The following USH2A variants were observed in gnomAD, a reference collection of about 807,000 sequenced individuals.
The protein encoded by USH2A is usherin.
Under a neutral mutation model 538.9 loss-of-function variants are expected in USH2A, and 443 were observed. The observed-to-expected ratio is 0.82, with a 90% confidence interval of 0.76 to 0.89. The LOEUF is 0.89. Among genes scored for constraint, USH2A ranks in the 40% least tolerant of loss-of-function variants. The pLI is 0.00. For missense variants in USH2A, 6,633 were observed against 6,324.8 expected, an observed-to-expected ratio of 1.05 and a Z score of -1.65; for synonymous variants, 2,413 against 2,273.5, an observed-to-expected ratio of 1.06 and a Z score of -1.75.
chr1:216,169,993 C>T (rs1224573420), intron 21 of USH2A, among the ~76,000 whole-genome samples: 4 of 151,382 alleles, frequency 2.6e-5, no homozygotes, highest in Non-Finnish European at 2.9e-5. Context: ...TACTTGCTCC[C>T]ACTCCAAGGA....
Position 216,370,677 on chromosome 1 carries a change from CAAAAAAAAAAA to C in USH2A, c.652-5603_652-5593del, listed in dbSNP as rs58845914. On this transcript the variant is annotated intron_variant, in intron 3 of 71. Coordinates refer to ENST00000307340, the MANE Select transcript of USH2A (RefSeq NM_206933.4). ...TGGGGAACAGAGCCAGACTCTGTCT[CAAAAAAAAAAA>C]AAAAAAAAAAAAAATACTCAAGGTG... is the stretch of plus-strand genomic sequence containing the variant. 3.7e-4 allele frequency among the ~76,000 whole-genome samples: 11 copies of C among 29,990 alleles called. 1 individual carries two copies. The highest frequency in any genetic ancestry group is 1.2e-3 in the African/African-American group (11 of 8,976). The allele number at this position is 29,990 out of a possible 152,430, so 19.7% of individuals were successfully genotyped here. A position where few individuals can be genotyped will look rare whatever the true frequency, so the allele number is the denominator to read the frequency against.
chr1:215,663,942 T>C (rs1165552832), intron 64 of USH2A, among the ~76,000 whole-genome samples: 2 of 152,046 alleles, frequency 1.3e-5, no homozygotes, highest in Non-Finnish European at 2.9e-5. Context: ...CTGGTGAAAG[T>C]GTGCAGAATG....
At chr1:216,040,160 A>G (rs2030212436) in intron 32 of USH2A, among the ~76,000 whole-genome samples, 1 of 151,900 alleles carries the variant, frequency 6.6e-6, no homozygotes, top group Non-Finnish European at 1.5e-5. Flanking sequence ...CCAGGTCCTG[A>G]TGGAACAGCA....
At chr1:216,351,152 A>T (rs1016247146) in intron 4 of USH2A, among the ~76,000 whole-genome samples, 3 of 152,208 alleles carry the variant, frequency 2.0e-5, no homozygotes, top group Non-Finnish European at 4.4e-5. Context: ...AATAAAAAAA[A>T]TCTTGCTTTC....
intron 9 of USH2A, among the ~76,000 whole-genome samples, chr1:216,305,498 G>T (rs1421767417): frequency 6.6e-6 from 1 of 151,912 alleles, no homozygotes; most frequent in African/African-American, 2.4e-5. Flanking sequence ...GTGCATTTAG[G>T]CCATTTACAT....
chr1:216,114,365 T>C (rs936209188), intron 21 of USH2A, among the ~76,000 whole-genome samples: 4 of 152,078 alleles, frequency 2.6e-5, no homozygotes, highest in Non-Finnish European at 4.4e-5. Context: ...ATGGGTTATA[T>C]CATCCAGAAC....
chr1:215,748,590 C>T (rs1660546109), intron 58 of USH2A, among the ~76,000 whole-genome samples: 2 of 152,172 alleles, frequency 1.3e-5, no homozygotes, highest in Non-Finnish European at 2.9e-5. Context: ...GTTCCTAGGA[C>T]AGTTCTTGCA....
intron 3 of USH2A, among the ~76,000 whole-genome samples, chr1:216,403,072 T>C (rs1293515892): frequency 6.6e-6 from 1 of 152,172 alleles, no homozygotes; most frequent in African/African-American, 2.4e-5. Flanking sequence ...CTACATATAC[T>C]ATAATTGTAT....
At chr1:216,038,593 G>A (rs1304015262) in intron 32 of USH2A, among the ~76,000 whole-genome samples, 1 of 151,952 alleles carries the variant, frequency 6.6e-6, no homozygotes, top group Non-Finnish European at 1.5e-5. Flanking sequence ...AAGATTTGAG[G>A]CCACAAAATG....
intron 15 of USH2A, among the ~76,000 whole-genome samples, chr1:216,208,783 C>T (rs899144559): frequency 5.1e-4 from 78 of 152,240 alleles, no homozygotes; most frequent in East Asian, 3.9e-4. Context: ...CAGGGGAAAC[C>T]AAGCACAAGC....
At chr1:216,301,551 T>C (rs1414146442) in intron 9 of USH2A, among the ~76,000 whole-genome samples, 3 of 152,164 alleles carry the variant, frequency 2.0e-5, no homozygotes, top group African/African-American at 7.2e-5. Flanking sequence ...TCTGGCTCAG[T>C]CCATCTTTAC....
chr1:215,802,082 T>C (rs1350334700), intron 49 of USH2A, among the ~76,000 whole-genome samples: 1 of 151,826 alleles, frequency 6.6e-6, no homozygotes, highest in African/African-American at 2.4e-5. Context: ...CAAAGAATGA[T>C]ATTGAACCCT....
intron 61 of USH2A, among the ~76,000 whole-genome samples, chr1:215,716,503 TG>T (rs1402033838): frequency 1.3e-5 from 2 of 152,228 alleles, no homozygotes; most frequent in Non-Finnish European, 2.9e-5. Context: ...CATTAGTAAT[TG>T]CTTTAGCAAA....
Position 216,199,986 on chromosome 1 carries a change from T to C in USH2A, c.3452A>G (p.Asn1151Ser). 6.2e-7 allele frequency: 1 copy of C among 1,614,128 alleles called. No homozygotes were observed. The highest frequency in any genetic ancestry group is 8.5e-7 in the Non-Finnish European group (1 of 1,180,002). ...AGGAATGATATAACTTAAAGTCAAG[T>C]TTCCCTCTGGGACCCCTGGTTTTGT... ...YKTKPGVPEG[N>S]LTLSYIIPIG... is the part of the protein sequence containing the mutation. Residue 1151 changes from asparagine (N) to serine (S), a missense_variant, in exon 17 of 72, where the codon AAC becomes AGC. By Grantham distance (46) the Asn-to-Ser change is conservative. Transcript: ENST00000307340.
intron 27 of USH2A, 98 bp from the exon 28 acceptor site, chr1:216,073,398 G>C: frequency 7.7e-7 from 1 of 1,303,868 alleles, no homozygotes; most frequent in Non-Finnish European, 1.1e-6. Context: ...AGGAAGGGGG[G>C]TGGTTAGATA....
At chr1:215,954,721 A>T (rs1266825313) in intron 37 of USH2A, among the ~76,000 whole-genome samples, 1 of 140,288 alleles carries the variant, frequency 7.1e-6, no homozygotes, top group East Asian at 2.2e-4. Flanking sequence ...TAATAATAAT[A>T]AAAAAAAACA....
At chr1:216,001,955 G>A (rs1357899982) in intron 32 of USH2A, among the ~76,000 whole-genome samples, 2 of 152,072 alleles carry the variant, frequency 1.3e-5, no homozygotes, top group African/African-American at 4.8e-5. Flanking sequence ...TATCCTACAG[G>A]AATCCAATGG....
chr1:215,643,314 T>C (rs551176584), intron 67 of USH2A, among the ~76,000 whole-genome samples: 2 of 152,176 alleles, frequency 1.3e-5, no homozygotes, highest in African/African-American at 4.8e-5. Flanking sequence ...TATTTTCTGG[T>C]TTGTATTCTC....
At chr1:216,236,074 T>C (rs946101662) in intron 13 of USH2A, among the ~76,000 whole-genome samples, 4 of 152,142 alleles carry the variant, frequency 2.6e-5, no homozygotes, top group Admixed American at 6.6e-5. Flanking sequence ...CACGCTAAAA[T>C]TACTTCTAGA....
Sources: allele counts gnomAD v4.1 joint callset (sites outside exome capture counted in the v4.1 genomes callset), GRCh38; gene constraint gnomAD v4.1.1; transcripts MANE v1.5; gene names NCBI Gene and HGNC (gene_info 2026-07-23, HGNC 2026-07-21).